The following SLC44A5 variants were observed in gnomAD, a reference collection of about 807,000 sequenced individuals.
The protein encoded by SLC44A5 is choline transporter-like protein 5.
SLC44A5 carries 57 observed loss-of-function variants against 101.8 expected under a neutral mutation model. That is an observed-to-expected ratio of 0.56 (90% CI 0.45 to 0.70). The LOEUF (loss-of-function observed/expected upper bound fraction) is 0.70, where lower values mean the gene tolerates loss of function less well. SLC44A5 is among the 30% of genes least tolerant of loss of function. The pLI is 0.00. For synonymous variants in SLC44A5, 281 were observed against 290.9 expected (o/e 0.97, Z 0.35); for missense variants, 737 against 853.1 (o/e 0.86, Z 1.70).
intron 1 of SLC44A5, among the ~76,000 whole-genome samples, chr1:75,605,522 A>G (rs1162041729): frequency 1.3e-5 from 2 of 152,084 alleles, no homozygotes; most frequent in Non-Finnish European, 2.9e-5. Flanking sequence ...AAATCACCCT[A>G]TTCTTCATCC....
intron 2 of SLC44A5, among the ~76,000 whole-genome samples, chr1:75,517,564 C>T (rs973811793): frequency 1.3e-5 from 2 of 151,906 alleles, no homozygotes; most frequent in African/African-American, 4.8e-5. Flanking sequence ...AAGAGGCCGA[C>T]AAGAGAGGAT....
chr1:75,254,731 A>G (rs1238993807), intron 6 of SLC44A5, among the ~76,000 whole-genome samples: 1 of 152,114 alleles, frequency 6.6e-6, no homozygotes, highest in East Asian at 1.9e-4. Context: ...TTTGCCTGTT[A>G]GAAATCATGA....
At chr1:75,322,764 G>C (rs1381952711) in intron 4 of SLC44A5, among the ~76,000 whole-genome samples, 2 of 152,080 alleles carry the variant, frequency 1.3e-5, no homozygotes, top group Non-Finnish European at 2.9e-5. Flanking sequence ...AGATGTACTT[G>C]AAAATGATTT....
chr1:75,620,166 CCTT>C, the SLC44A5 span, among the ~76,000 whole-genome samples: 1 of 152,202 alleles, frequency 6.6e-6, no homozygotes, highest in South Asian at 2.1e-4. Flanking sequence ...ATGAACTCAC[CCTT>C]TTTTATGGCT....
rs150601154 is a variant in SLC44A5 at position 75,425,534 on chromosome 1, G to A, written c.14-28913C>T. Among the ~76,000 whole-genome samples the A allele has an allele frequency of 4.5e-3, 682 of 152,224 alleles. 6 individuals are homozygous for A. The highest frequency in any genetic ancestry group is 0.016 in the African/African-American group (656 of 41,540). On this transcript the variant is annotated intron_variant, in intron 2 of 23. Coordinates refer to ENST00000370859, the MANE Select transcript of SLC44A5 (RefSeq NM_001130058.2). ...TGGAAAAGAAAGAGGCTGCACAGAC[G>A]ATTATCTTCTTGAGAACCCAAAGGC... is the stretch of plus-strand genomic sequence containing the variant.
intron 2 of SLC44A5, among the ~76,000 whole-genome samples, chr1:75,482,139 A>T (rs910723323): frequency 6.6e-6 from 1 of 152,096 alleles, no homozygotes; most frequent in Non-Finnish European, 1.5e-5. Flanking sequence ...ATGAAATTGG[A>T]AATCATCATT....
chr1:75,433,858 T>C (rs2101604038), intron 2 of SLC44A5, among the ~76,000 whole-genome samples: 1 of 152,140 alleles, frequency 6.6e-6, no homozygotes, highest in Non-Finnish European at 1.5e-5. Flanking sequence ...GGCTTCACAG[T>C]CATGGCAGAA....
intron 3 of SLC44A5, among the ~76,000 whole-genome samples, chr1:75,388,145 G>C (rs1283003868): frequency 7.0e-6 from 1 of 142,708 alleles, no homozygotes; most frequent in Non-Finnish European, 1.5e-5. Flanking sequence ...GCACCAGCAT[G>C]GCACATGTAT....
At chr1:75,453,195 T>C (rs1287710311) in intron 2 of SLC44A5, among the ~76,000 whole-genome samples, 3 of 152,030 alleles carry the variant, frequency 2.0e-5, no homozygotes, top group East Asian at 1.9e-4. Context: ...TCTCAGACCA[T>C]AGTGGAATAA....
intron 4 of SLC44A5, among the ~76,000 whole-genome samples, chr1:75,330,066 C>T (rs538648893): frequency 1.5e-4 from 22 of 150,870 alleles, no homozygotes; most frequent in Non-Finnish European, 2.5e-4. Flanking sequence ...CTTTCCTACG[C>T]TAGAATAATA....
chr1:75,428,554 T>G (rs1011987113), intron 2 of SLC44A5, among the ~76,000 whole-genome samples: 3 of 152,180 alleles, frequency 2.0e-5, no homozygotes, highest in African/African-American at 7.2e-5. Context: ...GTTCTCATTG[T>G]GGAAGTTGCT....
At chr1:75,688,189 C>T in the SLC44A5 span, among the ~76,000 whole-genome samples, 2 of 152,344 alleles carry the variant, frequency 1.3e-5, no homozygotes, top group Middle Eastern at 6.8e-3. Flanking sequence ...GCTAAAGTCT[C>T]ATACTATGCA....
chr1:75,597,627 A>T (rs1674718785), intron 1 of SLC44A5, among the ~76,000 whole-genome samples: 2 of 152,276 alleles, frequency 1.3e-5, no homozygotes, highest in South Asian at 4.1e-4. Flanking sequence ...AGAATAGAGA[A>T]CCTAGAAATA....
chr1:75,614,301 G>T (rs1675775361), upstream of SLC44A5, among the ~76,000 whole-genome samples: 1 of 152,152 alleles, frequency 6.6e-6, no homozygotes. Context: ...TTTATGGAGG[G>T]GGGGAATCAG....
chr1:75,463,419 C>CA (rs34371845), intron 2 of SLC44A5, among the ~76,000 whole-genome samples: 44,403 of 70,320 alleles, frequency 0.63, 13,911 homozygotes, highest in East Asian at 0.76. Context: ...GACTCTGTCT[C>CA]AAAAAAAAAA....
chr1:75,487,207 T>C (rs1484736410), intron 2 of SLC44A5, among the ~76,000 whole-genome samples: 1 of 152,024 alleles, frequency 6.6e-6, no homozygotes, highest in East Asian at 1.9e-4. Context: ...AATAAACAGA[T>C]ACATAATTAT....
chr1:75,627,481 C>G, the SLC44A5 span, among the ~76,000 whole-genome samples: 1 of 151,926 alleles, frequency 6.6e-6, no homozygotes, highest in African/African-American at 2.4e-5. Flanking sequence ...AGTTCAAGAC[C>G]CAGCCTAGGC....
At chr1:75,528,054 T>C (rs1188443596) in intron 2 of SLC44A5, among the ~76,000 whole-genome samples, 1 of 152,216 alleles carries the variant, frequency 6.6e-6, no homozygotes, top group Non-Finnish European at 1.5e-5. Flanking sequence ...ACTATATTGA[T>C]TGCTATACAA....
At chr1:75,502,653 A>G (rs1339423882) in intron 2 of SLC44A5, among the ~76,000 whole-genome samples, 3 of 151,772 alleles carry the variant, frequency 2.0e-5, no homozygotes, top group Non-Finnish European at 4.4e-5. Context: ...TGCTGCACCC[A>G]TTAACTGGTC....
Sources: allele counts gnomAD v4.1 joint callset (sites outside exome capture counted in the v4.1 genomes callset), GRCh38; gene constraint gnomAD v4.1.1; transcripts MANE v1.5; gene names NCBI Gene and HGNC (gene_info 2026-07-23, HGNC 2026-07-21).